The following ACER3 variants were observed in gnomAD, a reference collection of about 807,000 sequenced individuals.
ACER3 encodes alkaline ceramidase 3, also known as alkCDase 3.
ACER3 carries 16 observed loss-of-function variants against 48.9 expected under a neutral mutation model. The observed-to-expected ratio is 0.33, with a 90% CI of 0.22 to 0.50. The LOEUF (loss-of-function observed/expected upper bound fraction) is 0.50, where lower values mean the gene tolerates loss of function less well. ACER3 is among the 20% of genes least tolerant of loss of function. The probability of loss-of-function intolerance (pLI) is 0.98; values close to 1 mark genes in which losing one functional copy is unlikely to be tolerated. For missense variants in ACER3, 227 were observed against 326.0 expected, an observed-to-expected ratio of 0.70 and a Z score of 2.34; for synonymous variants, 109 against 107.8, an observed-to-expected ratio of 1.01 and a Z score of -0.07.
chr11:76,886,772 C>T (rs936173692), intron 1 of ACER3, among the ~76,000 whole-genome samples: 2 of 152,116 alleles, frequency 1.3e-5, no homozygotes, highest in Non-Finnish European at 2.9e-5. Context: ...CCTCTGCCTC[C>T]TTGGTTCAAG....
chr11:76,943,302 A>G (rs530634961), intron 2 of ACER3, among the ~76,000 whole-genome samples: 17 of 152,154 alleles, frequency 1.1e-4, no homozygotes, highest in East Asian at 1.9e-4. Context: ...ATTTAATGCT[A>G]TCAACTTCCC....
intron 3 of ACER3, among the ~76,000 whole-genome samples, chr11:76,967,733 A>C (rs903587423): frequency 6.6e-6 from 1 of 152,240 alleles, no homozygotes; most frequent in African/African-American, 2.4e-5. Context: ...CTTTGACAAA[A>C]TTCAACAGCC....
At chr11:76,920,886 C>T (rs1479246727) in intron 1 of ACER3, among the ~76,000 whole-genome samples, 1 of 152,018 alleles carries the variant, frequency 6.6e-6, no homozygotes, top group Non-Finnish European at 1.5e-5. Flanking sequence ...CAATCCTCCC[C>T]CCTTGGCTTT....
chr11:76,983,778 C>T lies in ACER3; in HGVS notation c.321-1865C>T, dbSNP rs554813608. 2.0e-5 allele frequency among the ~76,000 whole-genome samples: 3 copies of T among 150,154 alleles called. No homozygotes were observed. In the South Asian group the frequency reaches 6.3e-4, roughly 32 times the overall value. On this transcript the variant is annotated intron_variant, in intron 4 of 10. Transcript: ENST00000532485. ...CTTTGAACATATCAAATATGTGAAG[C>T]AGTCTAGACCTCTAATGATTTTTTT...
intron 1 of ACER3, among the ~76,000 whole-genome samples, chr11:76,896,439 GC>G (rs568236053): frequency 9.4e-4 from 142 of 151,670 alleles, no homozygotes; most frequent in Middle Eastern, 6.8e-3. Context: ...CGGGCAGATC[GC>G]TTAAGCTTAG....
chr11:76,861,028 C>T lies in ACER3; in HGVS notation c.52C>T (p.Leu18=), dbSNP rs1478482604. Residue 18 remains leucine, a synonymous_variant, in exon 1 of 11, where the codon CTG becomes TTG. Coordinates refer to ENST00000532485, the MANE Select transcript of ACER3 (RefSeq NM_018367.7). ...CTACTGGGGCCCCACGACCTCCACG[C>T]TGGACTGGTGCGAGGAGAACTACTC... ...EGYWGPTTST[L]DWCEENYSVT... 3 of 1,548,092 alleles carry T rather than the reference C, an allele frequency of 1.9e-6. No individual in the cohort carries two copies. The East Asian group carries it at 7.3e-5, about 38-fold the overall frequency.
chr11:77,007,144 A>G (rs1949168588), intron 7 of ACER3, among the ~76,000 whole-genome samples: 1 of 151,304 alleles, frequency 6.6e-6, no homozygotes. Context: ...AAAAAATCAC[A>G]TGTTTTGAGG....
At chr11:76,997,361 G>A (rs1411298881) in intron 6 of ACER3, among the ~76,000 whole-genome samples, 2 of 152,044 alleles carry the variant, frequency 1.3e-5, no homozygotes. Context: ...TATTATAATT[G>A]CCTGGTTATT....
chr11:76,989,856 A>G (rs1029628638), intron 5 of ACER3, among the ~76,000 whole-genome samples: 19 of 152,312 alleles, frequency 1.2e-4, no homozygotes, highest in Non-Finnish European at 1.2e-4. Context: ...CATGCATGTT[A>G]AATCTTAACT....
chr11:76,986,534 G>A (rs927577209), intron 5 of ACER3, among the ~76,000 whole-genome samples: 1 of 152,138 alleles, frequency 6.6e-6, no homozygotes, highest in Admixed American at 6.6e-5. Context: ...AGAGAACTTT[G>A]AAACAACATA....
chr11:76,885,771 A>G (rs1479109748), intron 1 of ACER3, among the ~76,000 whole-genome samples: 4 of 152,130 alleles, frequency 2.6e-5, no homozygotes, highest in Admixed American at 2.0e-4. Flanking sequence ...AGTTGGGACT[A>G]TGGGCTCCGG....
At chr11:76,972,931 G>A (rs1217448164) in intron 3 of ACER3, among the ~76,000 whole-genome samples, 1 of 152,266 alleles carries the variant, frequency 6.6e-6, no homozygotes, top group African/African-American at 2.4e-5. Flanking sequence ...ACAGTGGTGT[G>A]TGTGGGACCC....
At chr11:76,994,026 G>A (rs1222635689) in intron 6 of ACER3, 1 of 381,726 alleles carries the variant, frequency 2.6e-6, no homozygotes, top group African/African-American at 2.1e-5. Flanking sequence ...GTTCACCCAG[G>A]GATTTGTGGT....
At chr11:76,917,208 A>C (rs1387275201) in intron 1 of ACER3, among the ~76,000 whole-genome samples, 3 of 152,088 alleles carry the variant, frequency 2.0e-5, no homozygotes, top group Non-Finnish European at 4.4e-5. Context: ...CCATAAACCT[A>C]CCTAGACTGG....
At chr11:76,963,872 C>T (rs1313859186) in intron 3 of ACER3, among the ~76,000 whole-genome samples, 1 of 151,460 alleles carries the variant, frequency 6.6e-6, no homozygotes. Flanking sequence ...CTCCAGTCTA[C>T]AACTCTCGGC....
chr11:76,959,556 T>C (rs948894589), intron 3 of ACER3, among the ~76,000 whole-genome samples: 1 of 152,066 alleles, frequency 6.6e-6, no homozygotes, highest in Non-Finnish European at 1.5e-5. Flanking sequence ...TTTATTTTTA[T>C]TTTTCATTTT....
At chr11:76,947,898 A>G (rs1320569922) in intron 2 of ACER3, among the ~76,000 whole-genome samples, 1 of 152,182 alleles carries the variant, frequency 6.6e-6, no homozygotes, top group Non-Finnish European at 1.5e-5. Flanking sequence ...GACAGGACCA[A>G]TCAGAGATGC....
In ACER3 at chr11:77,025,761, T is replaced by C. The variant is rs1279454101; in HGVS notation, c.*5434T>C. Reference sequence around the variant, plus strand: ...AGAAGAATATGCAACAGAAACTGTATGTAGCCTGCAAAGCCTAAAATGTTT... The same window carrying C: ...AGAAGAATATGCAACAGAAACTGTACGTAGCCTGCAAAGCCTAAAATGTTT... On this transcript the variant is annotated 3_prime_UTR_variant, in exon 11 of 11. Coordinates refer to ENST00000532485, the MANE Select transcript of ACER3 (RefSeq NM_018367.7). 1 of 152,324 alleles carries C rather than the reference T, an allele frequency of 6.6e-6. No homozygotes were observed. The highest frequency in any genetic ancestry group is 2.4e-5 in the African/African-American group (1 of 41,570). 9.4% of individuals were successfully genotyped at this position (152,324 alleles called of 1,614,324 possible). A position where few individuals can be genotyped will look rare whatever the true frequency, so the allele number is the denominator to read the frequency against.
At chr11:76,911,852 C>T (rs1378991185) in intron 1 of ACER3, among the ~76,000 whole-genome samples, 2 of 152,200 alleles carry the variant, frequency 1.3e-5, no homozygotes, top group South Asian at 2.1e-4. Flanking sequence ...TGAGATTTGG[C>T]AAGGGGAATG....
Sources: gnomAD v4.1 joint callset for allele counts (sites outside exome capture counted in the v4.1 genomes callset) on GRCh38, gnomAD v4.1.1 for gene constraint, MANE v1.5 for transcripts, NCBI Gene and HGNC (gene_info 2026-07-23, HGNC 2026-07-21) for gene names.